Variants in ZMIZ1 observed in about 807,000 individuals in gnomAD.
ZMIZ1 encodes the protein zinc finger MIZ domain-containing protein 1.
In ZMIZ1, 17 loss-of-function variants were observed where a neutral mutation model predicts 113.9. That is an observed-to-expected ratio of 0.15 (90% CI 0.10 to 0.22). The LOEUF (loss-of-function observed/expected upper bound fraction) is 0.22. ZMIZ1 is among the 10% of genes least tolerant of loss of function. The pLI is 1.00. For missense variants in ZMIZ1, 1,059 were observed against 1,477.8 expected (o/e 0.72, Z 4.65); for synonymous variants, 607 against 603.1 (o/e 1.01, Z -0.09).
At chr10:79,311,293 G>T in intron 24 of ZMIZ1, 109 bp downstream of exon 24, 1 of 1,315,346 alleles carries the variant, frequency 7.6e-7, no homozygotes, top group East Asian at 2.6e-5. Flanking sequence ...GAGGAGGTGG[G>T]TGGGCGGTGG....
intron 8 of ZMIZ1, among the ~76,000 whole-genome samples, chr10:79,279,088 C>T (rs1489261626): frequency 3.4e-5 from 5 of 146,300 alleles, no homozygotes; most frequent in African/African-American, 1.3e-4. Flanking sequence ...CAGGACGGGG[C>T]AGCTGGCCGG....
intron 1 of ZMIZ1, among the ~76,000 whole-genome samples, chr10:79,112,008 G>A (rs1245443316): frequency 1.3e-5 from 2 of 152,244 alleles, no homozygotes; most frequent in African/African-American, 4.8e-5. Flanking sequence ...ATAGGCAAAG[G>A]CCCTGGGGCA....
chr10:79,288,389 G>A (rs1365619468), intron 8 of ZMIZ1, among the ~76,000 whole-genome samples: 3 of 152,206 alleles, frequency 2.0e-5, no homozygotes, highest in Non-Finnish European at 4.4e-5. Context: ...TAGGGTACAA[G>A]TCTGCCAGGT....
In ZMIZ1 at chr10:79,069,020, A is replaced by C. The variant is rs1842151294; in HGVS notation, c.-587A>C. 6.6e-6 allele frequency: 1 copy of C among 151,470 alleles called. No homozygotes were observed. The highest frequency in any genetic ancestry group is 1.5e-5 in the Non-Finnish European group (1 of 67,658). The allele number at this position is 151,470 out of a possible 1,614,324, so 9.4% of individuals were successfully genotyped here. A position where few individuals can be genotyped will look rare whatever the true frequency, so the allele number is the denominator to read the frequency against. ...TTTCACTGTCTGTGGACATTAAAAA[A>C]GCGAGCGGCGGCGGCGGGCGCCGGG... On this transcript the variant is annotated 5_prime_UTR_variant, in exon 1 of 25. Transcript: ENST00000334512. The surrounding 1 kb of genome is among the most constrained non-coding windows in gnomAD (Gnocchi z 4.6).
At chr10:79,169,339 GGTTCCC>G (rs1380766871) in intron 4 of ZMIZ1, among the ~76,000 whole-genome samples, 33 of 152,340 alleles carry the variant, frequency 2.2e-4, no homozygotes, top group African/African-American at 7.9e-4. Flanking sequence ...CTCAGGTAGG[GGTTCCC>G]AGTTGCCTCC....
intron 3 of ZMIZ1, among the ~76,000 whole-genome samples, chr10:79,151,660 C>A (rs1845714625): frequency 2.0e-5 from 3 of 152,204 alleles, no homozygotes; most frequent in Admixed American, 6.5e-5. Context: ...CTGAGGGTGG[C>A]ACCACCACCC....
chr10:79,220,710 T>A (rs1848930118), intron 7 of ZMIZ1, among the ~76,000 whole-genome samples: 2 of 152,224 alleles, frequency 1.3e-5, no homozygotes, highest in Admixed American at 1.3e-4. Context: ...TTTCTCTGCC[T>A]TCCTGGGTTT....
chr10:79,261,917 C>T (rs1162671648), intron 7 of ZMIZ1, among the ~76,000 whole-genome samples: 1 of 152,170 alleles, frequency 6.6e-6, no homozygotes, highest in Non-Finnish European at 1.5e-5. Flanking sequence ...AAAGCCAGGG[C>T]TCCATGTGCC....
Position 79,262,959 on chromosome 10 carries a change from G to A in ZMIZ1, c.281-14222G>A, listed in dbSNP as rs1335120802. 2.0e-5 allele frequency among the ~76,000 whole-genome samples: 3 copies of A among 152,252 alleles called. 1 individual carries two copies. The highest frequency in any genetic ancestry group is 4.4e-5 in the Non-Finnish European group (3 of 68,046). ...GGAAAAGGAATGGAACGACCGATTA[G>A]GAAGTCAAGACGTAGAAACATGAAA... is the stretch of plus-strand genomic sequence containing the variant. On this transcript the variant is annotated intron_variant, in intron 7 of 24. Transcript: ENST00000334512.
chr10:79,133,998 G>A (rs1313076017), intron 2 of ZMIZ1, among the ~76,000 whole-genome samples: 1 of 152,174 alleles, frequency 6.6e-6, no homozygotes, highest in African/African-American at 2.4e-5. Flanking sequence ...TGTAAAGATG[G>A]ATGCTAATTT....
intron 1 of ZMIZ1, among the ~76,000 whole-genome samples, chr10:79,096,986 A>G (rs1301436372): frequency 6.6e-6 from 1 of 152,202 alleles, no homozygotes; most frequent in Non-Finnish European, 1.5e-5. Flanking sequence ...GGCAGAGGAA[A>G]CAGCGTGTGC....
At chr10:79,167,650 T>C (rs1846414357) in intron 4 of ZMIZ1, among the ~76,000 whole-genome samples, 1 of 152,202 alleles carries the variant, frequency 6.6e-6, no homozygotes, top group Admixed American at 6.5e-5. Flanking sequence ...ATTTCAGTGC[T>C]TGAGGCTGCC....
chr10:79,104,731 A>T (rs1421992960), intron 1 of ZMIZ1, among the ~76,000 whole-genome samples: 3 of 152,212 alleles, frequency 2.0e-5, no homozygotes. Context: ...GGAGGCCGTG[A>T]ACCTCACCGT....
At chr10:79,187,772 G>A (rs1043034060) in intron 4 of ZMIZ1, among the ~76,000 whole-genome samples, 2 of 152,224 alleles carry the variant, frequency 1.3e-5, no homozygotes, top group East Asian at 3.9e-4. Context: ...CACAGGCGGT[G>A]CAGAGCTGAC....
chr10:79,086,889 T>A (rs1242953108), intron 1 of ZMIZ1, among the ~76,000 whole-genome samples: 1 of 152,248 alleles, frequency 6.6e-6, no homozygotes, highest in Non-Finnish European at 1.5e-5. Context: ...TTCTTTTATT[T>A]ACCTGGTCTG....
intron 8 of ZMIZ1, among the ~76,000 whole-genome samples, chr10:79,288,802 C>G (rs1457084147): frequency 2.0e-5 from 3 of 152,208 alleles, no homozygotes. Flanking sequence ...GGAAGCATCA[C>G]TGGACACTCA....
chr10:79,184,488 A>G (rs1211829114), intron 4 of ZMIZ1, among the ~76,000 whole-genome samples: 1 of 152,126 alleles, frequency 6.6e-6, no homozygotes, highest in Non-Finnish European at 1.5e-5. Flanking sequence ...AAATGAGATA[A>G]TGTGTGTGGA....
chr10:79,195,238 C>G (rs926916656), intron 4 of ZMIZ1, among the ~76,000 whole-genome samples: 1 of 152,230 alleles, frequency 6.6e-6, no homozygotes, highest in Non-Finnish European at 1.5e-5. Context: ...CCAGCCCGAT[C>G]CTGTGCTTTG....
chr10:79,240,638 C>CTTTTTTTTTTT lies in ZMIZ1; in HGVS notation c.280+24381_280+24391dup, dbSNP rs56903717. Among the ~76,000 whole-genome samples, 56 of 55,324 alleles carry CTTTTTTTTTTT rather than the reference C, an allele frequency of 1.0e-3. 7 individuals carry two copies. Among genetic ancestry groups the CTTTTTTTTTTT allele is most frequent in the East Asian group, 3.9e-3 (4 of 1,032 alleles). 36.3% of individuals were successfully genotyped at this position (55,324 alleles called of 152,430 possible). ...CGTAAATCTAGTGAAGAGTATTTAT[C>CTTTTTTTTTTT]TTTTTTTTTTTTTTTTTTTTTTTTT... is the stretch of plus-strand genomic sequence containing the variant. On this transcript the variant is annotated intron_variant, in intron 7 of 24. Coordinates refer to ENST00000334512, the MANE Select transcript of ZMIZ1 (RefSeq NM_020338.4).
Sources: allele counts gnomAD v4.1 joint callset (sites outside exome capture counted in the v4.1 genomes callset), GRCh38; gene constraint gnomAD v4.1.1; non-coding constraint Gnocchi (gnomAD v3.1); transcripts MANE v1.5; gene names NCBI Gene and HGNC (gene_info 2026-07-23, HGNC 2026-07-21).